AGAP1: variants seen among roughly 807,000 people sequenced by gnomAD.
AGAP1 encodes arf-GAP with GTPase, ANK repeat and PH domain-containing protein 1.
In AGAP1, 29 loss-of-function variants were observed where a neutral mutation model predicts 105.3. That is an observed-to-expected ratio of 0.28 (90% confidence interval 0.21 to 0.38). The LOEUF (loss-of-function observed/expected upper bound fraction) is 0.38, where lower values mean the gene tolerates loss of function less well. AGAP1 is among the 10% of genes least tolerant of loss of function. The pLI is 1.00. For missense variants in AGAP1, 998 were observed against 1,165.1 expected, an observed-to-expected ratio of 0.86 and a Z score of 2.09; for synonymous variants, 509 against 485.9, an observed-to-expected ratio of 1.05 and a Z score of -0.63.
Position 235,700,606 on chromosome 2 carries a change from C to T in AGAP1, c.164-8573C>T, listed in dbSNP as rs1381329183. ...TTTGAAGTCAGGAGTTCCAGACCAG[C>T]CTGGGGAACATGGCGAAACCCCGTC... On this transcript the variant is annotated intron_variant, in intron 1 of 17. Transcript: ENST00000304032. This position sits in a 1 kb window ranked among gnomAD's most constrained non-coding sequence, Gnocchi z 6.1. 1.3e-5 allele frequency among the ~76,000 whole-genome samples: 2 copies of T among 152,040 alleles called. No individual in the cohort carries two copies. Among genetic ancestry groups the T allele is most frequent in the Non-Finnish European group, 2.9e-5 (2 of 68,024 alleles).
At chr2:235,626,316 C>A (rs1006796181) in intron 1 of AGAP1, among the ~76,000 whole-genome samples, 1 of 152,186 alleles carries the variant, frequency 6.6e-6, no homozygotes, top group Non-Finnish European at 1.5e-5. Flanking sequence ...CAAGATCACG[C>A]CACTGTACTC....
At position 236,105,090 on chromosome 2, in the gene AGAP1, C is replaced by T. The variant is rs541924131; in HGVS notation, c.2115-15102C>T. On this transcript the variant is annotated intron_variant, in intron 16 of 17. Coordinates refer to ENST00000304032, the MANE Select transcript of AGAP1 (RefSeq NM_001037131.3). This position sits in a 1 kb window ranked among gnomAD's most constrained non-coding sequence, Gnocchi z 4.2. Reference sequence around the variant, plus strand: ...AAAGCTGAGTTCCTTCTGTCTGTCTCGGTGAGAGAAGGCACGGCCCTCACC... The same window carrying T: ...AAAGCTGAGTTCCTTCTGTCTGTCTTGGTGAGAGAAGGCACGGCCCTCACC... Among the ~76,000 whole-genome samples, 35 of 152,098 alleles carry T rather than the reference C, an allele frequency of 2.3e-4. No individual in the cohort carries two copies. The highest frequency in any genetic ancestry group is 3.4e-3 in the Middle Eastern group (1 of 294).
At chr2:235,795,806 G>T (rs577146744) in intron 6 of AGAP1, among the ~76,000 whole-genome samples, 1 of 152,300 alleles carries the variant, frequency 6.6e-6, no homozygotes, top group South Asian at 2.1e-4. Flanking sequence ...CTCATACTTT[G>T]TACATCCTGT....
intron 1 of AGAP1, among the ~76,000 whole-genome samples, chr2:235,572,328 C>T (rs537354535): frequency 6.6e-6 from 1 of 151,916 alleles, no homozygotes; most frequent in South Asian, 2.1e-4. Flanking sequence ...TATTTGAGTG[C>T]ATTTGGCACC....
intron 16 of AGAP1, among the ~76,000 whole-genome samples, chr2:236,100,428 A>C: frequency 6.6e-6 from 1 of 152,192 alleles, no homozygotes. Context: ...ATTCATGATG[A>C]ATCATTCTCA....
intron 11 of AGAP1, among the ~76,000 whole-genome samples, chr2:235,918,725 G>A (rs11690665): frequency 0.38 from 57,385 of 151,774 alleles, 11,221 homozygotes; most frequent in Admixed American, 0.48. Context: ...CATGTTAAAT[G>A]TAAGTGATGG....
chr2:235,709,088 C>G (rs2149510508), intron 1 of AGAP1, 91 bp from the exon 2 acceptor site: 1 of 1,279,934 alleles, frequency 7.8e-7, no homozygotes, highest in Middle Eastern at 1.8e-4. Flanking sequence ...TCTTCAGTGA[C>G]CTTCGGATGT....
intron 9 of AGAP1, chr2:235,852,820 A>G (rs1347772420): frequency 4.6e-6 from 7 of 1,513,854 alleles, no homozygotes; most frequent in Admixed American, 2.2e-5. Flanking sequence ...AAGGCCCACA[A>G]TCAGCCCAGC....
intron 1 of AGAP1, among the ~76,000 whole-genome samples, chr2:235,581,010 C>T (rs529335526): frequency 3.3e-5 from 5 of 151,852 alleles, no homozygotes; most frequent in South Asian, 2.1e-4. Flanking sequence ...ACAGTAATCC[C>T]GTGAGGTGTG....
intron 12 of AGAP1, among the ~76,000 whole-genome samples, chr2:235,944,658 C>T (rs1189494639): frequency 1.3e-5 from 2 of 152,200 alleles, no homozygotes; most frequent in Non-Finnish European, 2.9e-5. Flanking sequence ...AGTCATCTGG[C>T]TGACTGTGTG....
intron 5 of AGAP1, among the ~76,000 whole-genome samples, chr2:235,745,839 A>G (rs1952885688): frequency 6.6e-6 from 1 of 152,204 alleles, no homozygotes; most frequent in Admixed American, 6.5e-5. Context: ...AACCACAAAC[A>G]TTTTCCAGCC....
rs528140144 is a variant in AGAP1, at chr2:236,046,227, G to T, written c.1892-2832G>T. On this transcript the variant is annotated intron_variant, in intron 15 of 17. Coordinates refer to ENST00000304032, the MANE Select transcript of AGAP1 (RefSeq NM_001037131.3). The surrounding 1 kb of genome is among the most constrained non-coding windows in gnomAD (Gnocchi z 5.2). ...TGTCAGAGCACTCCCCACAGCACTC[G>T]GTGATGGGCTGGATGCTGGGACATA... Among the ~76,000 whole-genome samples the T allele has an allele frequency of 6.6e-6, 1 of 152,284 alleles. No homozygotes were observed. Among genetic ancestry groups the T allele is most frequent in the South Asian group, 2.1e-4 (1 of 4,826 alleles).
chr2:235,926,864 G>C (rs1443171774), intron 11 of AGAP1, among the ~76,000 whole-genome samples: 1 of 152,118 alleles, frequency 6.6e-6, no homozygotes, highest in African/African-American at 2.4e-5. Context: ...CAGAGAGAGA[G>C]GCTGTCAGCT....
At chr2:236,122,874 G>A (rs1268903073) in intron 17 of AGAP1, among the ~76,000 whole-genome samples, 3 of 151,894 alleles carry the variant, frequency 2.0e-5, no homozygotes, top group East Asian at 1.9e-4. Flanking sequence ...TAGTAGAGAC[G>A]AGGTTTCACC....
In AGAP1 at chr2:235,556,233, C is replaced by T. The variant is rs1304603549; in HGVS notation, c.163+61384C>T. The stretch of plus-strand genomic sequence containing the variant: ...ATGCCTTGGCCAATCACAGAGCACC[C>T]TTTCTGTCCAGGCCACTGATCAGCC... On this transcript the variant is annotated intron_variant, in intron 1 of 17. Coordinates refer to ENST00000304032, the MANE Select transcript of AGAP1 (RefSeq NM_001037131.3). The surrounding 1 kb of genome is among the most constrained non-coding windows in gnomAD (Gnocchi z 5.3). Among the ~76,000 whole-genome samples the T allele has an allele frequency of 6.6e-6, 1 of 152,244 alleles. No homozygotes were observed. The highest frequency in any genetic ancestry group is 1.5e-5 in the Non-Finnish European group (1 of 68,036).
intron 16 of AGAP1, among the ~76,000 whole-genome samples, chr2:236,054,449 T>C (rs539740869): frequency 7.2e-4 from 106 of 146,884 alleles, no homozygotes; most frequent in African/African-American, 2.6e-3. Flanking sequence ...AGTGTTCCTC[T>C]ATGCTTGACA....
At position 235,867,053 on chromosome 2, in the gene AGAP1, C is replaced by T. The variant is rs868562817; in HGVS notation, c.1051-16292C>T. 5.9e-5 allele frequency among the ~76,000 whole-genome samples: 9 copies of T among 152,122 alleles called. No homozygotes were observed. Among genetic ancestry groups the T allele is most frequent in the African/African-American group, 1.9e-4 (8 of 41,400 alleles). ...TCGGGGGGTGCTTGCTTATGCGGAGCCTGTGACCCTGCAGCTCAGCATGGG... is the reference window on the plus strand; with the variant it reads ...TCGGGGGGTGCTTGCTTATGCGGAGTCTGTGACCCTGCAGCTCAGCATGGG... On this transcript the variant is annotated intron_variant, in intron 9 of 17. Transcript: ENST00000304032. This position sits in a 1 kb window ranked among gnomAD's most constrained non-coding sequence, Gnocchi z 5.4.
chr2:235,937,757 T>C (rs1032255050), intron 12 of AGAP1, among the ~76,000 whole-genome samples: 2 of 152,088 alleles, frequency 1.3e-5, no homozygotes, highest in African/African-American at 4.8e-5. Context: ...GGTTGTCACA[T>C]AGGGGAGGGT....
At chr2:235,791,862 A>G (rs147751228) in intron 6 of AGAP1, among the ~76,000 whole-genome samples, 169 of 152,294 alleles carry the variant, frequency 1.1e-3, no homozygotes, top group African/African-American at 3.9e-3. Context: ...GAGCCTTTCA[A>G]TGAAATGTGA....
Sources: allele counts gnomAD v4.1 joint callset (sites outside exome capture counted in the v4.1 genomes callset), GRCh38; gene constraint gnomAD v4.1.1; non-coding constraint Gnocchi (gnomAD v3.1); transcripts MANE v1.5; gene names NCBI Gene and HGNC (gene_info 2026-07-23, HGNC 2026-07-21).